CACNA2D3: variants seen among roughly 807,000 people sequenced by gnomAD.
The protein encoded by CACNA2D3 is voltage-dependent calcium channel subunit alpha-2/delta-3.
In CACNA2D3, 60 loss-of-function variants were observed where a neutral mutation model predicts 160.6. That is an observed-to-expected ratio of 0.37 (90% confidence interval 0.30 to 0.46). The LOEUF is 0.46. CACNA2D3 is among the 20% of genes least tolerant of loss of function. The probability of loss-of-function intolerance (pLI) is 1.00; values close to 1 mark genes in which losing one functional copy is unlikely to be tolerated. For missense variants in CACNA2D3, 1,205 were observed against 1,365.0 expected (o/e 0.88, Z 1.85); for synonymous variants, 558 against 492.9 (o/e 1.13, Z -1.75).
intron 11 of CACNA2D3, among the ~76,000 whole-genome samples, chr3:54,687,115 C>G (rs149851190): frequency 1.2e-4 from 5 of 40,884 alleles, no homozygotes; most frequent in Admixed American, 3.1e-4. Flanking sequence ...TTTTCTTTTT[C>G]TTTTTCTTTT....
At chr3:54,260,527 G>T (rs1702384327) in intron 2 of CACNA2D3, among the ~76,000 whole-genome samples, 1 of 152,042 alleles carries the variant, frequency 6.6e-6, no homozygotes, top group East Asian at 1.9e-4. Flanking sequence ...GTCCCGTCTT[G>T]ATGACCTTAT....
chr3:54,874,040 G>T (rs187768994), intron 18 of CACNA2D3, among the ~76,000 whole-genome samples: 1 of 152,164 alleles, frequency 6.6e-6, no homozygotes, highest in Non-Finnish European at 1.5e-5. Flanking sequence ...AGTAGAGTCT[G>T]CCCAGATGCA....
intron 2 of CACNA2D3, among the ~76,000 whole-genome samples, chr3:54,211,648 A>G (rs945374453): frequency 6.6e-6 from 1 of 152,214 alleles, no homozygotes; most frequent in Non-Finnish European, 1.5e-5. Context: ...TGTAAAGTGA[A>G]TACTTTCTTC....
In CACNA2D3 at chr3:54,736,131, G is replaced by A. The variant is rs6772607; in HGVS notation, c.1168-16468G>A. ...TATGTATATATATACATATATATAT[G>A]TATATATATACACACACACACACAC... On this transcript the variant is annotated intron_variant, in intron 11 of 37. Coordinates refer to ENST00000474759, the MANE Select transcript of CACNA2D3 (RefSeq NM_018398.3). Among the ~76,000 whole-genome samples the A allele has an allele frequency of 7.8e-4, 33 of 42,252 alleles. 1 individual carries two copies. The highest frequency in any genetic ancestry group is 1.1e-3 in the Non-Finnish European group (24 of 21,228). The allele number at this position is 42,252 out of a possible 152,430, so 27.7% of individuals were successfully genotyped here.
At chr3:54,508,440 T>C (rs1701407001) in intron 5 of CACNA2D3, among the ~76,000 whole-genome samples, 1 of 152,060 alleles carries the variant, frequency 6.6e-6, no homozygotes, top group African/African-American at 2.4e-5. Flanking sequence ...CCTGGGGCCC[T>C]AGAGAGCAAG....
At chr3:54,423,972 G>T (rs1350120041) in intron 4 of CACNA2D3, among the ~76,000 whole-genome samples, 3 of 151,432 alleles carry the variant, frequency 2.0e-5, no homozygotes, top group Admixed American at 6.6e-5. Context: ...GCTCACTGCA[G>T]CCTCAAACCC....
intron 27 of CACNA2D3, among the ~76,000 whole-genome samples, chr3:54,966,714 G>A (rs1030910097): frequency 6.6e-6 from 1 of 152,152 alleles, no homozygotes; most frequent in Non-Finnish European, 1.5e-5. Flanking sequence ...AGCTACTCGG[G>A]AGGCTGAGGC....
chr3:54,996,520 C>G (rs924784530), intron 31 of CACNA2D3, among the ~76,000 whole-genome samples: 3 of 152,178 alleles, frequency 2.0e-5, no homozygotes, highest in African/African-American at 7.2e-5. Flanking sequence ...GGGACAGGGA[C>G]TGTCTTGATG....
At position 54,710,604 on chromosome 3, in the gene CACNA2D3, A is replaced by G. The variant is rs567745933; in HGVS notation, c.1168-41995A>G. Among the ~76,000 whole-genome samples the G allele has an allele frequency of 3.3e-5, 5 of 152,326 alleles. No individual in the cohort carries two copies. In the East Asian group the frequency reaches 5.8e-4, roughly 18 times the overall value. On this transcript the variant is annotated intron_variant, in intron 11 of 37. Transcript: ENST00000474759. ...ACATGGACCCACCAACATGACTACC[A>G]GGAAAACTGGGAAACACAGTCCTCC... is the stretch of plus-strand genomic sequence containing the variant.
chr3:54,594,976 G>A (rs1702924762), intron 9 of CACNA2D3, among the ~76,000 whole-genome samples: 1 of 152,170 alleles, frequency 6.6e-6, no homozygotes. Context: ...CACTATCTGA[G>A]CAGGTAGAGT....
intron 2 of CACNA2D3, among the ~76,000 whole-genome samples, chr3:54,311,225 C>T (rs1703734012): frequency 6.6e-6 from 1 of 152,118 alleles, no homozygotes; most frequent in South Asian, 2.1e-4. Context: ...TCACTCTATC[C>T]CCACTGGAGG....
At chr3:54,740,060 A>T (rs898373442) in intron 11 of CACNA2D3, among the ~76,000 whole-genome samples, 9 of 151,874 alleles carry the variant, frequency 5.9e-5, no homozygotes, top group South Asian at 4.2e-4. Context: ...GGGTGGATGG[A>T]TGGGAAACAT....
intron 16 of CACNA2D3, among the ~76,000 whole-genome samples, chr3:54,840,723 T>A (rs1311943268): frequency 2.1e-5 from 3 of 143,704 alleles, no homozygotes; most frequent in African/African-American, 7.8e-5. Flanking sequence ...GCCATGATTT[T>A]TTTTTTTTTT....
intron 2 of CACNA2D3, among the ~76,000 whole-genome samples, chr3:54,130,495 C>T (rs576211768): frequency 5.8e-4 from 88 of 152,324 alleles, no homozygotes; most frequent in South Asian, 4.1e-3. Context: ...AAACAGGTAA[C>T]GCTCAATGCT....
chr3:54,505,783 A>G (rs1701359533), intron 5 of CACNA2D3, among the ~76,000 whole-genome samples: 1 of 152,220 alleles, frequency 6.6e-6, no homozygotes, highest in Non-Finnish European at 1.5e-5. Context: ...TAGAGATTTA[A>G]TTGCACCTCT....
chr3:55,019,453 C>CT (rs762540201), intron 35 of CACNA2D3, among the ~76,000 whole-genome samples: 4 of 151,728 alleles, frequency 2.6e-5, no homozygotes, highest in Non-Finnish European at 5.9e-5. Flanking sequence ...AGTTATATGC[C>CT]TTTTCTATGC....
intron 11 of CACNA2D3, among the ~76,000 whole-genome samples, chr3:54,722,567 A>C (rs901665573): frequency 2.0e-5 from 3 of 151,844 alleles, no homozygotes; most frequent in African/African-American, 4.8e-5. Flanking sequence ...TTGGTCTTTT[A>C]TGTTGGTGAC....
chr3:55,033,829 A>ATATAATATGTATTAT lies in CACNA2D3; in HGVS notation c.2987+15512_2987+15513insTATAATATGTATTAT, dbSNP rs1703747475. The stretch of plus-strand genomic sequence containing the variant: ...TATGTATTATATATTAAATATATTT[A>ATATAATATGTATTAT]ATATATAATATATATTACATATTAA... On this transcript the variant is annotated intron_variant, in intron 35 of 37. Transcript: ENST00000474759. Among the ~76,000 whole-genome samples the ATATAATATGTATTAT allele has an allele frequency of 4.3e-5, 2 of 46,596 alleles. 1 individual carries two copies. The highest frequency in any genetic ancestry group is 1.9e-4 in the African/African-American group (2 of 10,380). 30.6% of individuals were successfully genotyped at this position (46,596 alleles called of 152,430 possible). A position where few individuals can be genotyped will look rare whatever the true frequency, so the allele number is the denominator to read the frequency against.
intron 4 of CACNA2D3, among the ~76,000 whole-genome samples, chr3:54,484,808 A>G (rs1364365802): frequency 2.0e-5 from 3 of 151,912 alleles, no homozygotes; most frequent in Admixed American, 6.6e-5. Context: ...TTATGAGAGT[A>G]TGAGAGTTCC....
Sources: gnomAD v4.1 joint callset for allele counts (sites outside exome capture counted in the v4.1 genomes callset) on GRCh38, gnomAD v4.1.1 for gene constraint, MANE v1.5 for transcripts, NCBI Gene and HGNC (gene_info 2026-07-23, HGNC 2026-07-21) for gene names.